Variants in GOLIM4 observed in about 807,000 individuals in gnomAD.
The protein encoded by GOLIM4 is 130 kDa golgi-localized phosphoprotein.
Under a neutral mutation model 107.4 loss-of-function variants are expected in GOLIM4, and 71 were observed. That is an observed-to-expected ratio of 0.66 (90% CI 0.55 to 0.81). GOLIM4 has a LOEUF of 0.81. Among genes scored for constraint, GOLIM4 ranks in the 30% least tolerant of loss-of-function variants. The pLI is 0.00. For missense variants in GOLIM4, 830 were observed against 826.1 expected (o/e 1.00, Z -0.06); for synonymous variants, 327 against 294.8 (o/e 1.11, Z -1.12).
chr3:168,039,264 ATT>A (rs11426013), intron 7 of GOLIM4, among the ~76,000 whole-genome samples: 6,021 of 136,988 alleles, frequency 0.044, 382 homozygotes, highest in African/African-American at 0.16. Flanking sequence ...GAAAAAAAAA[ATT>A]TTTTTTTTTT....
At position 168,032,825 on chromosome 3, in the gene GOLIM4, T is replaced by C; in HGVS notation, c.871A>G (p.Asn291Asp). Residue 291 changes from asparagine to aspartate, a missense_variant, in exon 9 of 16, where the codon AAC (asparagine) becomes GAC (aspartate). Physicochemically the swap from Asn to Asp is conservative, Grantham distance 23. Transcript: ENST00000470487. ...EVSRNNDVWQNHEAVPGRAED... is the reference protein window; with the variant it reads ...EVSRNNDVWQDHEAVPGRAED... ...GCTCTTCCAGGAACTGCTTCATGGT[T>C]CTGCCACACATCATTATTTCGAGAC... 1.2e-6 allele frequency: 2 copies of C among 1,613,024 alleles called. No individual in the cohort carries two copies. The highest frequency in any genetic ancestry group is 1.7e-6 in the Non-Finnish European group (2 of 1,179,160).
chr3:168,021,833 G>A (rs746569701), intron 14 of GOLIM4, among the ~76,000 whole-genome samples: 42 of 152,144 alleles, frequency 2.8e-4, no homozygotes, highest in Non-Finnish European at 2.9e-5. Flanking sequence ...CAGTTACACT[G>A]AGGGAAATTA....
At chr3:168,043,732 A>T (rs1719152189) in intron 4 of GOLIM4, among the ~76,000 whole-genome samples, 1 of 152,234 alleles carries the variant, frequency 6.6e-6, no homozygotes, top group South Asian at 2.1e-4. Flanking sequence ...TTGGGATCAC[A>T]GCCAAAAATA....
chr3:168,030,896 G>T, intron 9 of GOLIM4, among the ~76,000 whole-genome samples: 1 of 152,162 alleles, frequency 6.6e-6, no homozygotes, highest in African/African-American at 2.4e-5. Context: ...CTATATTGAA[G>T]AGATACTTGC....
rs1380887865 is a variant in GOLIM4, at chr3:168,043,329, A to T, written c.517+50T>A. 4.7e-6 allele frequency: 6 copies of T among 1,278,698 alleles called. No individual in the cohort carries two copies. In the African/African-American group the frequency reaches 6.0e-5, roughly 13 times the overall value. 79.2% of individuals were successfully genotyped at this position (1,278,698 alleles called of 1,614,324 possible). On this transcript the variant is annotated intron_variant, in intron 5 of 15. Coordinates refer to ENST00000470487, the MANE Select transcript of GOLIM4 (RefSeq NM_014498.5). ...CAGTCTACAGTTGCACTGAAACATT[A>T]ATATCAGTACTTATTTAGAGATAAA...
At chr3:168,019,572 T>C (rs2108214701) in intron 14 of GOLIM4, among the ~76,000 whole-genome samples, 1 of 152,296 alleles carries the variant, frequency 6.6e-6, no homozygotes, top group South Asian at 2.1e-4. Flanking sequence ...TCCCCTTTTT[T>C]CCCTACTGCT....
At chr3:168,052,127 T>C (rs1719682594) in intron 1 of GOLIM4, among the ~76,000 whole-genome samples, 1 of 152,112 alleles carries the variant, frequency 6.6e-6, no homozygotes, top group Non-Finnish European at 1.5e-5. Flanking sequence ...GTACGGTTTG[T>C]GGGGATAATA....
At chr3:168,071,939 G>T (rs9870173) in intron 1 of GOLIM4, among the ~76,000 whole-genome samples, 29,693 of 152,082 alleles carry the variant, frequency 0.2, 3,626 homozygotes, top group Middle Eastern at 0.29. Flanking sequence ...TCCAGGCAGG[G>T]AGTGAAATAC....
At chr3:168,044,792 T>C in intron 4 of GOLIM4, 36 bp downstream of exon 4, 2 of 1,223,012 alleles carry the variant, frequency 1.6e-6, no homozygotes, top group Admixed American at 2.1e-5. Flanking sequence ...GTTAATCCTT[T>C]CTTTTATTCA....
intron 1 of GOLIM4, among the ~76,000 whole-genome samples, chr3:168,063,816 T>G (rs1186888518): frequency 2.0e-5 from 3 of 151,952 alleles, no homozygotes; most frequent in Non-Finnish European, 4.4e-5. Flanking sequence ...CAAACCACCA[T>G]GGCACACGTT....
chr3:168,041,651 C>G (rs1459072099), intron 5 of GOLIM4, among the ~76,000 whole-genome samples, 177 bp from the exon 6 acceptor site: 1 of 152,076 alleles, frequency 6.6e-6, no homozygotes, highest in South Asian at 2.1e-4. Context: ...ATGGTTTTAG[C>G]TGGACATCTC....
At chr3:168,043,783 A>G (rs1051990856) in intron 4 of GOLIM4, among the ~76,000 whole-genome samples, 1 of 152,228 alleles carries the variant, frequency 6.6e-6, no homozygotes, top group African/African-American at 2.4e-5. Context: ...TGAGAGATGG[A>G]AAGGGAAAAA....
intron 3 of GOLIM4, among the ~76,000 whole-genome samples, chr3:168,045,451 T>C (rs1719242817): frequency 6.6e-6 from 1 of 152,102 alleles, no homozygotes. Flanking sequence ...GAGCAAATAT[T>C]TCATTAAGTA....
intron 1 of GOLIM4, among the ~76,000 whole-genome samples, chr3:168,089,545 T>C (rs373765204): frequency 6.6e-6 from 1 of 152,324 alleles, no homozygotes; most frequent in East Asian, 1.9e-4. Context: ...AAAGGTTAAA[T>C]AACTTGCCCA....
chr3:168,042,797 A>G (rs1719091565), intron 5 of GOLIM4, among the ~76,000 whole-genome samples: 1 of 152,214 alleles, frequency 6.6e-6, no homozygotes, highest in Non-Finnish European at 1.5e-5. Context: ...TCTCACACCA[A>G]TTCTACAAGG....
intron 14 of GOLIM4, among the ~76,000 whole-genome samples, chr3:168,015,674 T>C (rs1224709632): frequency 7.3e-6 from 1 of 136,290 alleles, no homozygotes; most frequent in Non-Finnish European, 1.5e-5. Flanking sequence ...AACAGCATGG[T>C]ACTGGTACCA....
At chr3:168,015,139 C>T (rs1717289747) in intron 14 of GOLIM4, among the ~76,000 whole-genome samples, 1 of 148,802 alleles carries the variant, frequency 6.7e-6, no homozygotes, top group African/African-American at 2.5e-5. Flanking sequence ...ATCTAGAAAA[C>T]CCCACTGTCT....
intron 15 of GOLIM4, 29 bp from the exon 16 acceptor site, chr3:168,010,447 AAG>A: frequency 7.1e-7 from 1 of 1,408,170 alleles, no homozygotes; most frequent in Non-Finnish European, 1.0e-6. Flanking sequence ...AAGAAAAACT[AAG>A]AGATAGTATA....
chr3:168,075,287 T>TTTG (rs1721014524), intron 1 of GOLIM4, among the ~76,000 whole-genome samples: 1 of 38,906 alleles, frequency 2.6e-5, no homozygotes, highest in Non-Finnish European at 6.0e-5. Flanking sequence ...CATTCACTAG[T>TTTG]TTTTTTTTTT....
Sources: gnomAD v4.1 joint callset for allele counts (sites outside exome capture counted in the v4.1 genomes callset) on GRCh38, gnomAD v4.1.1 for gene constraint, MANE v1.5 for transcripts, NCBI Gene and HGNC (gene_info 2026-07-23, HGNC 2026-07-21) for gene names.